The following ARHGAP35 variants were observed in gnomAD, a reference collection of about 807,000 sequenced individuals.
ARHGAP35 encodes the protein rho GTPase-activating protein 35.
In ARHGAP35, 15 loss-of-function variants were observed where a neutral mutation model predicts 111.1. The ratio of observed to expected loss-of-function variants is 0.13; its 90% CI spans 0.09 to 0.21. ARHGAP35 has a LOEUF of 0.21. Ranked by LOEUF, ARHGAP35 falls within the 10% of genes least tolerant of loss-of-function variation. The probability of loss-of-function intolerance (pLI) is 1.00; values close to 1 mark genes in which losing one functional copy is unlikely to be tolerated. For synonymous variants in ARHGAP35, 643 were observed against 710.3 expected (o/e 0.91, Z 1.51); for missense variants, 1,262 against 1,873.0 (o/e 0.67, Z 6.02).
intron 1 of ARHGAP35, among the ~76,000 whole-genome samples, chr19:46,876,271 C>T (rs2055920300): frequency 6.6e-6 from 1 of 151,628 alleles, no homozygotes; most frequent in Non-Finnish European, 1.5e-5. Flanking sequence ...CATGATCACA[C>T]CTTACTGCAG....
intron 5 of ARHGAP35, among the ~76,000 whole-genome samples, chr19:46,997,970 C>T (rs1162033236): frequency 1.3e-5 from 2 of 151,974 alleles, no homozygotes; most frequent in South Asian, 4.2e-4. Context: ...GGCGTGGTGG[C>T]GGGCACCTGT....
chr19:46,906,998 A>AG (rs2056111875), intron 1 of ARHGAP35, among the ~76,000 whole-genome samples: 1 of 152,092 alleles, frequency 6.6e-6, no homozygotes. Context: ...CTGAGGTGAG[A>AG]GGATCACTTG....
At chr19:46,928,740 T>G (rs2056253656) in intron 2 of ARHGAP35, among the ~76,000 whole-genome samples, 1 of 152,142 alleles carries the variant, frequency 6.6e-6, no homozygotes, top group African/African-American at 2.4e-5. Flanking sequence ...GAGACCAGCC[T>G]GGCCAACATG....
Position 47,002,146 on chromosome 19 carries a change from C to T in ARHGAP35, c.*1458C>T, listed in dbSNP as rs2056751924. 6.5e-6 allele frequency: 1 copy of T among 152,842 alleles called. No individual in the cohort carries two copies. Among genetic ancestry groups the T allele is most frequent in the Non-Finnish European group, 1.5e-5 (1 of 68,178 alleles). The allele number at this position is 152,842 out of a possible 1,614,324, so 9.5% of individuals were successfully genotyped here. ...AGGAAGCCTGACACTAGGCACCCCC[C>T]AGGCGAGAGCTAGTGGGGTGCAGAG... On this transcript the variant is annotated 3_prime_UTR_variant, in exon 7 of 7. Coordinates refer to ENST00000672722, the MANE Select transcript of ARHGAP35 (RefSeq NM_004491.5).
Position 46,918,542 on chromosome 19 carries a change from A to T in ARHGAP35, c.-134A>T. ...GGTGGTGAACAGTGACCATACTGGT[A>T]TACAACACTATGGGACCTGGCATTT... is the stretch of plus-strand genomic sequence containing the variant. On this transcript the variant is annotated 5_prime_UTR_variant, in exon 2 of 7. Coordinates refer to ENST00000672722, the MANE Select transcript of ARHGAP35 (RefSeq NM_004491.5). The surrounding 1 kb of genome is among the most constrained non-coding windows in gnomAD (Gnocchi z 5.4). 1.3e-6 allele frequency: 1 copy of T among 793,384 alleles called. No homozygotes were observed. Among genetic ancestry groups the T allele is most frequent in the Non-Finnish European group, 2.1e-6 (1 of 483,912 alleles). The allele number at this position is 793,384 out of a possible 1,614,324, so 49.1% of individuals were successfully genotyped here. A position where few individuals can be genotyped will look rare whatever the true frequency, so the allele number is the denominator to read the frequency against.
intron 1 of ARHGAP35, among the ~76,000 whole-genome samples, chr19:46,892,228 C>T (rs1213664884): frequency 3.4e-5 from 5 of 148,458 alleles, no homozygotes; most frequent in African/African-American, 1.2e-4. Context: ...CACTTGAACC[C>T]GGGAGGCAAA....
At chr19:46,864,808 A>G (rs1333826744) in intron 1 of ARHGAP35, among the ~76,000 whole-genome samples, 4 of 152,086 alleles carry the variant, frequency 2.6e-5, no homozygotes, top group Non-Finnish European at 4.4e-5. Context: ...AATTTTCTGA[A>G]TTTATCTTAG....
At position 47,000,514 on chromosome 19, in the gene ARHGAP35, C is replaced by T. The variant is rs372508573; in HGVS notation, c.4326C>T (p.Thr1442=). Residue 1442 remains threonine, a synonymous_variant, in exon 7 of 7, where the codon ACC becomes ACT. Coordinates refer to ENST00000672722, the MANE Select transcript of ARHGAP35 (RefSeq NM_004491.5). This position sits in a 1 kb window ranked among gnomAD's most constrained non-coding sequence, Gnocchi z 6.9. ...TCTTCTTCTACAATCGGCCCATCAC[C>T]GAGCCCCCCGGCGCCAGGCCCAGCT... ...CPFFFYNRPI[T]EPPGARPSSP... is the part of the protein sequence containing the mutation. 2.9e-5 allele frequency: 46 copies of T among 1,613,508 alleles called. No homozygotes were observed. Among genetic ancestry groups the T allele is most frequent in the Middle Eastern group, 1.6e-4 (1 of 6,084 alleles).
rs980088480 is a variant in ARHGAP35 at position 46,945,952 on chromosome 19, T to C, written c.3826+8544T>C. 1.3e-5 allele frequency among the ~76,000 whole-genome samples: 2 copies of C among 152,186 alleles called. No individual in the cohort carries two copies. Among genetic ancestry groups the C allele is most frequent in the African/African-American group, 4.8e-5 (2 of 41,438 alleles). ...CCCTCCACATCTCTAGCCAGTGCTG[T>C]AGAGGCCGAGAAGAGGAATTGTGCC... On this transcript the variant is annotated intron_variant, in intron 3 of 6. Coordinates refer to ENST00000672722, the MANE Select transcript of ARHGAP35 (RefSeq NM_004491.5). The surrounding 1 kb of genome is among the most constrained non-coding windows in gnomAD (Gnocchi z 4.1).
intron 3 of ARHGAP35, among the ~76,000 whole-genome samples, chr19:46,985,983 C>T (rs912895488): frequency 2.6e-5 from 4 of 152,152 alleles, no homozygotes; most frequent in Admixed American, 1.3e-4. Flanking sequence ...CAACACGTGG[C>T]TCTCGGAAGC....
intron 3 of ARHGAP35, among the ~76,000 whole-genome samples, chr19:46,943,059 G>A (rs75013828): frequency 1.4e-5 from 2 of 147,204 alleles, no homozygotes; most frequent in African/African-American, 5.0e-5. Flanking sequence ...TTTTTTTAAA[G>A]AGACAGAGTC....
chr19:46,987,133 C>T (rs1358460271), intron 3 of ARHGAP35, among the ~76,000 whole-genome samples: 4 of 151,580 alleles, frequency 2.6e-5, no homozygotes, highest in African/African-American at 9.7e-5. Context: ...GGATTACAGG[C>T]GTGAGCCACC....
chr19:46,861,616 C>T (rs1466974595), intron 1 of ARHGAP35, among the ~76,000 whole-genome samples: 2 of 151,930 alleles, frequency 1.3e-5, no homozygotes, highest in Non-Finnish European at 2.9e-5. Flanking sequence ...TCCTGGGACC[C>T]ATCTTCTCCT....
Position 46,922,252 on chromosome 19 carries a change from C to A in ARHGAP35, c.3577C>A (p.Gln1193Lys). 2 of 1,613,980 alleles carry A rather than the reference C, an allele frequency of 1.2e-6. No homozygotes were observed. The highest frequency in any genetic ancestry group is 1.7e-6 in the Non-Finnish European group (2 of 1,179,890). Residue 1193 changes from glutamine to lysine, a missense_variant, in exon 2 of 7, where the codon CAG (glutamine) becomes AAG (lysine). This residue lies in a region of ARHGAP35 where 579 missense variants were observed against 716.9 expected (regional missense o/e 0.81). Transcript: ENST00000672722. This position sits in a 1 kb window ranked among gnomAD's most constrained non-coding sequence, Gnocchi z 4.0. ...LGPIRKKEEDQASQGYKGDNA... is the reference protein window; with the variant it reads ...LGPIRKKEEDKASQGYKGDNA... Reference sequence around the variant, plus strand: ...GCCCATCCGGAAGAAAGAGGAGGATCAGGCATCCCAGGGTTATAAAGGGGA... The same window carrying A: ...GCCCATCCGGAAGAAAGAGGAGGATAAGGCATCCCAGGGTTATAAAGGGGA...
intron 1 of ARHGAP35, among the ~76,000 whole-genome samples, chr19:46,883,724 C>A (rs1175222769): frequency 7.2e-5 from 11 of 152,104 alleles, no homozygotes; most frequent in Admixed American, 7.2e-4. Flanking sequence ...AACACATGCA[C>A]ACATAGTATC....
Position 46,919,590 on chromosome 19 carries a change from C to T in ARHGAP35, c.915C>T (p.Tyr305=). 2 of 1,613,898 alleles carry T rather than the reference C, an allele frequency of 1.2e-6. No individual in the cohort carries two copies. Among genetic ancestry groups the T allele is most frequent in the Non-Finnish European group, 1.7e-6 (2 of 1,179,864 alleles). The change falls in exon 2 of 7, where the codon TAC becomes TAT. Residue 305 remains tyrosine, a synonymous_variant. Transcript: ENST00000672722. The surrounding 1 kb of genome is among the most constrained non-coding windows in gnomAD (Gnocchi z 6.2). ...GAAAGATGCAGGCCTCTCCAGAATA[C>T]CAGGACTATGTCTACCTGGAAGGGA... The part of the protein sequence containing the change: ...VSRKMQASPE[Y]QDYVYLEGTQ...
At chr19:46,934,063 T>C (rs1218907469) in intron 2 of ARHGAP35, among the ~76,000 whole-genome samples, 1 of 152,220 alleles carries the variant, frequency 6.6e-6, no homozygotes, top group African/African-American at 2.4e-5. Context: ...CAGCGGTTTA[T>C]TTGGAAGCCT....
intron 3 of ARHGAP35, among the ~76,000 whole-genome samples, chr19:46,941,272 A>AG (rs2056345366): frequency 6.6e-6 from 1 of 152,136 alleles, no homozygotes; most frequent in Non-Finnish European, 1.5e-5. Context: ...TTATTCTTCA[A>AG]GAGACTCCTA....
intron 5 of ARHGAP35, among the ~76,000 whole-genome samples, chr19:46,995,121 G>T (rs2056700395): frequency 6.6e-6 from 1 of 152,144 alleles, no homozygotes; most frequent in Admixed American, 6.5e-5. Flanking sequence ...TAGAAAAAAG[G>T]CTGGGTACAG....
Sources: gnomAD v4.1 joint callset for allele counts (sites outside exome capture counted in the v4.1 genomes callset) on GRCh38, gnomAD v4.1.1 for gene constraint, gnomAD v4.1.1 regional missense constraint, Gnocchi (gnomAD v3.1) non-coding constraint, MANE v1.5 for transcripts, NCBI Gene and HGNC (gene_info 2026-07-23, HGNC 2026-07-21) for gene names.